SLC6A7: variants seen among roughly 807,000 people sequenced by gnomAD.
SLC6A7 encodes the protein solute carrier family 6 member 7.
SLC6A7 carries 58 observed loss-of-function variants against 73.1 expected under a neutral mutation model. That is an observed-to-expected ratio of 0.79 (90% CI 0.64 to 0.99). The LOEUF (loss-of-function observed/expected upper bound fraction) is 0.99. SLC6A7 is among the 50% of genes least tolerant of loss of function. The probability of loss-of-function intolerance (pLI) is 0.00; values close to 1 mark genes in which losing one functional copy is unlikely to be tolerated. For missense variants in SLC6A7, 783 were observed against 831.4 expected, an observed-to-expected ratio of 0.94 and a Z score of 0.72; for synonymous variants, 338 against 338.7, an observed-to-expected ratio of 1.00 and a Z score of 0.02.
In SLC6A7 at chr5:150,194,836, C is replaced by T. The variant is rs749193152; in HGVS notation, c.142C>T (p.Leu48=). The T allele has an allele frequency of 1.9e-6, 3 of 1,614,130 alleles. No homozygotes were observed. Among genetic ancestry groups the T allele is most frequent in the Non-Finnish European group, 2.5e-6 (3 of 1,179,984 alleles). ...GNWTGKLDFL[L]SCIGYCVGLG... ...CTGGACAGGCAAGCTGGACTTCCTG[C>T]TGTCCTGCATTGGCTACTGTGTAGG... The change falls in exon 2 of 14, where the codon CTG becomes TTG. Residue 48 remains leucine (L), a synonymous_variant. Coordinates refer to ENST00000230671, the MANE Select transcript of SLC6A7 (RefSeq NM_014228.5).
intron 12 of SLC6A7, 70 bp downstream of exon 12, chr5:150,204,997 T>A: frequency 1.0e-6 from 1 of 996,764 alleles, no homozygotes; most frequent in Non-Finnish European, 1.6e-6. Flanking sequence ...CCTCTGCACG[T>A]TCAGTCTGGT....
rs145987216 is a variant in SLC6A7 at position 150,195,592 on chromosome 5, G to A, written c.217+681G>A. ...GTAGCTGAAACTTGAAGACACCAGC[G>A]TCCTTGCCCAAGGTCACAGGGTGGC... On this transcript the variant is annotated intron_variant, in intron 2 of 13. Coordinates refer to ENST00000230671, the MANE Select transcript of SLC6A7 (RefSeq NM_014228.5). Among the ~76,000 whole-genome samples, 610 of 152,288 alleles carry A rather than the reference G, an allele frequency of 4.0e-3. 12 individuals are homozygous for A. Among genetic ancestry groups the A allele is most frequent in the South Asian group, 0.03 (143 of 4,824 alleles).
chr5:150,208,409 C>T (rs953489104), intron 13 of SLC6A7, among the ~76,000 whole-genome samples: 2 of 152,092 alleles, frequency 1.3e-5, no homozygotes, highest in Non-Finnish European at 1.5e-5. Context: ...GCCAGTGCTG[C>T]GGCTGGAGCA....
chr5:150,200,306 A>G (rs1230928923), intron 5 of SLC6A7, among the ~76,000 whole-genome samples: 1 of 152,196 alleles, frequency 6.6e-6, no homozygotes, highest in Non-Finnish European at 1.5e-5. Flanking sequence ...CAGCCTGGCC[A>G]ACATGGTGAA....
intron 1 of SLC6A7, among the ~76,000 whole-genome samples, chr5:150,190,815 C>T (rs980206197): frequency 3.3e-5 from 5 of 152,158 alleles, no homozygotes; most frequent in African/African-American, 1.2e-4. Flanking sequence ...CCTGAGCCTG[C>T]GGGAAGACTC....
In SLC6A7 at chr5:150,202,338, C is replaced by T. The variant is rs987804065; in HGVS notation, c.859-9C>T. 6.2e-7 allele frequency: 1 copy of T among 1,602,322 alleles called. No individual in the cohort carries two copies. On this transcript the variant is annotated splice_polypyrimidine_tract_variant and intron_variant, in intron 6 of 13. Transcript: ENST00000230671. ...CGCACACCCTCCCTTTCCATCCTTC[C>T]CGGCACAGGTGTGGATTGAAGCTGC... is the stretch of plus-strand genomic sequence containing the variant.
At chr5:150,198,863 TGG>T (rs1554115775) in intron 4 of SLC6A7, among the ~76,000 whole-genome samples, 2 of 144,678 alleles carry the variant, frequency 1.4e-5, no homozygotes, top group African/African-American at 5.3e-5. Flanking sequence ...TGTGTGTGTG[TGG>T]TGTACACATG....
At chr5:150,204,126 G>A in intron 10 of SLC6A7, 88 bp downstream of exon 10, 1 of 1,341,896 alleles carries the variant, frequency 7.5e-7, no homozygotes, top group Non-Finnish European at 1.0e-6. Flanking sequence ...AGCAGTTGCT[G>A]GGCCCCCTCC....
rs149700355 is a variant in SLC6A7, at chr5:150,204,836, G to C, written c.1442G>C (p.Arg481Thr). The change falls in exon 12 of 14, where the codon AGG becomes ACG. Residue 481 changes from arginine (R) to threonine (T), a missense_variant. Arg to Thr is a moderately conservative substitution (Grantham distance 71). Coordinates refer to ENST00000230671, the MANE Select transcript of SLC6A7 (RefSeq NM_014228.5). ...CCCCTCCCCTGTGCAGGCATTCAGA[G>C]GTTCTGCCGAGACATCCACATGATG... Reference protein sequence around the residue: ...LAVTRVYGIQRFCRDIHMMLG... With the variant: ...LAVTRVYGIQTFCRDIHMMLG... The C allele has an allele frequency of 6.2e-7, 1 of 1,611,920 alleles. No homozygotes were observed. Among genetic ancestry groups the C allele is most frequent in the African/African-American group, 1.3e-5 (1 of 74,954 alleles).
In SLC6A7 at chr5:150,194,878, C is replaced by T. The variant is rs879112115; in HGVS notation, c.184C>T (p.Arg62Cys). 1.1e-5 allele frequency: 18 copies of T among 1,614,106 alleles called. No homozygotes were observed. The highest frequency in any genetic ancestry group is 5.5e-5 in the South Asian group (5 of 91,080). The change falls in exon 2 of 14, where the codon CGC becomes TGC. Residue 62 changes from arginine to cysteine, a missense_variant. Arg to Cys is a radical substitution (Grantham distance 180). Coordinates refer to ENST00000230671, the MANE Select transcript of SLC6A7 (RefSeq NM_014228.5). ...CTGTGTAGGCCTGGGGAATGTCTGG[C>T]GCTTCCCCTATCGAGCGTACACCAA... ...GYCVGLGNVW[R>C]FPYRAYTNGG...
At chr5:150,194,218 A>G (rs1752909917) in intron 1 of SLC6A7, among the ~76,000 whole-genome samples, 1 of 152,162 alleles carries the variant, frequency 6.6e-6, no homozygotes. Flanking sequence ...TCACGAGGTC[A>G]GGAGACCAAG....
At chr5:150,193,003 G>C (rs1437739891) in intron 1 of SLC6A7, among the ~76,000 whole-genome samples, 2 of 152,200 alleles carry the variant, frequency 1.3e-5, no homozygotes, top group Non-Finnish European at 2.9e-5. Context: ...TGGAGGGGAA[G>C]GGTGGGTTTC....
Position 150,203,925 on chromosome 5 carries a change from A to G in SLC6A7, c.1219A>G (p.Ile407Val). 1.2e-6 allele frequency: 2 copies of G among 1,611,914 alleles called. No individual in the cohort carries two copies. Among genetic ancestry groups the G allele is most frequent in the Non-Finnish European group, 1.7e-6 (2 of 1,179,682 alleles). The change falls in exon 10 of 14, where the codon ATT becomes GTT. Residue 407 changes from isoleucine (I) to valine (V), a missense_variant. Coordinates refer to ENST00000230671, the MANE Select transcript of SLC6A7 (RefSeq NM_014228.5). ...LDSQFAFLETIVTAVTDEFPY... is the reference protein window; with the variant it reads ...LDSQFAFLETVVTAVTDEFPY... ...TCCTCAGTTTGCTTTTCTGGAGACC[A>G]TTGTGACAGCTGTGACAGATGAGTT...
intron 4 of SLC6A7, among the ~76,000 whole-genome samples, chr5:150,197,498 T>C (rs1158812690): frequency 6.6e-6 from 1 of 152,228 alleles, no homozygotes; most frequent in Non-Finnish European, 1.5e-5. Flanking sequence ...AGGGCAATAA[T>C]ACTAGGTATC....
At position 150,202,429 on chromosome 5, in the gene SLC6A7, C is replaced by T. The variant is rs1355503005; in HGVS notation, c.941C>T (p.Thr314Met). Residue 314 changes from threonine (T) to methionine (M), a missense_variant, in exon 7 of 14, where the codon ACG (threonine) becomes ATG (methionine). Coordinates refer to ENST00000230671, the MANE Select transcript of SLC6A7 (RefSeq NM_014228.5). ...CTCCTCACCTTTGCCTCCTACAACA[C>T]GTTTCACCAGAACATCTATAGGTCA... is the stretch of plus-strand genomic sequence containing the variant. Reference protein sequence around the residue: ...GGLLTFASYNTFHQNIYRDTF... With the variant: ...GGLLTFASYNMFHQNIYRDTF... 9.3e-6 allele frequency: 15 copies of T among 1,613,766 alleles called. No individual in the cohort carries two copies. The highest frequency in any genetic ancestry group is 2.2e-5 in the East Asian group (1 of 44,890).
At chr5:150,199,183 C>A (rs935738774) in intron 4 of SLC6A7, 45 bp from the exon 5 acceptor site, 12 of 1,527,810 alleles carry the variant, frequency 7.9e-6, no homozygotes, top group Admixed American at 3.9e-5. Context: ...GTCTGTGGAG[C>A]CTGGTGGGGT....
intron 13 of SLC6A7, among the ~76,000 whole-genome samples, chr5:150,206,133 G>C (rs1753687086): frequency 6.6e-6 from 1 of 152,206 alleles, no homozygotes; most frequent in African/African-American, 2.4e-5. Context: ...TGAGGCCTTG[G>C]AAGAGAGGAG....
chr5:150,195,997 A>G (rs1002411943), intron 2 of SLC6A7, among the ~76,000 whole-genome samples: 1 of 152,188 alleles, frequency 6.6e-6, no homozygotes, highest in African/African-American at 2.4e-5. Context: ...TTCATCCTCC[A>G]ATGGGTTTAG....
intron 2 of SLC6A7, among the ~76,000 whole-genome samples, chr5:150,195,860 C>T (rs1752993968): frequency 6.6e-6 from 1 of 152,202 alleles, no homozygotes; most frequent in South Asian, 2.1e-4. Context: ...TCGGCAAGCA[C>T]TCTCCCCATG....
Sources: allele counts gnomAD v4.1 joint callset (sites outside exome capture counted in the v4.1 genomes callset), GRCh38; gene constraint gnomAD v4.1.1; transcripts MANE v1.5; gene names NCBI Gene and HGNC (gene_info 2026-07-23, HGNC 2026-07-21).